Variants in MSRA observed in about 807,000 individuals in gnomAD.
MSRA encodes the protein methionine sulfoxide reductase A, also known as mitochondrial peptide methionine sulfoxide reductase.
MSRA carries 54 observed loss-of-function variants against 31.3 expected under a neutral mutation model. That is an observed-to-expected ratio of 1.73 (90% confidence interval 1.39 to 2.17). The LOEUF is 2.17. Among genes scored for constraint, MSRA ranks in the 30% most tolerant of loss-of-function variants. The pLI is 0.00. For synonymous variants in MSRA, 169 were observed against 116.5 expected (o/e 1.45, Z -2.90); for missense variants, 507 against 300.9 (o/e 1.69, Z -5.07).
At chr8:10,215,715 C>T (rs1002386700) in intron 2 of MSRA, among the ~76,000 whole-genome samples, 4 of 152,318 alleles carry the variant, frequency 2.6e-5, no homozygotes, top group Admixed American at 6.5e-5. Flanking sequence ...TTGTTTGCTT[C>T]TGTGTCAATA....
intron 1 of MSRA, among the ~76,000 whole-genome samples, chr8:10,154,433 A>G (rs1803978606): frequency 6.6e-6 from 1 of 151,418 alleles, no homozygotes; most frequent in South Asian, 2.1e-4. Context: ...GCTGGAGTGC[A>G]GTGGCACAAT....
Position 10,207,895 on chromosome 8 carries a change from G to T in MSRA, c.205G>T (p.Val69Leu), listed in dbSNP as rs772745628. ...TTTCCCAGAGGGAACACAGATGGCT[G>T]TATTTGGTAAGATATCAATTCTGAA... is the stretch of plus-strand genomic sequence containing the variant. Reference protein sequence around the residue: ...EPFPEGTQMAVFGMGCFWGAE... With the variant: ...EPFPEGTQMALFGMGCFWGAE... The change falls in exon 2 of 6, where the codon GTA becomes TTA. Residue 69 changes from valine (V) to leucine (L), a missense_variant. By Grantham distance (32) the Val-to-Leu change is conservative (BLOSUM62 1). Coordinates refer to ENST00000317173, the MANE Select transcript of MSRA (RefSeq NM_012331.5). 1.9e-6 allele frequency: 3 copies of T among 1,610,702 alleles called. No homozygotes were observed. Among genetic ancestry groups the T allele is most frequent in the African/African-American group, 2.7e-5 (2 of 74,792 alleles).
chr8:10,316,764 A>T (rs1052691106), intron 4 of MSRA, among the ~76,000 whole-genome samples: 18 of 152,228 alleles, frequency 1.2e-4, no homozygotes, highest in African/African-American at 4.3e-4. Context: ...GGTAAAGGCA[A>T]GGTGCACCAG....
intron 1 of MSRA, among the ~76,000 whole-genome samples, chr8:10,068,373 A>G (rs1485165017): frequency 6.6e-6 from 1 of 152,140 alleles, no homozygotes; most frequent in Non-Finnish European, 1.5e-5. Flanking sequence ...CCTTTCGTGT[A>G]TCTAAAAAGT....
At chr8:10,242,493 C>A (rs1797387442) in intron 2 of MSRA, among the ~76,000 whole-genome samples, 1 of 152,074 alleles carries the variant, frequency 6.6e-6, no homozygotes. Flanking sequence ...TGATTCTTGA[C>A]CCAGGTGGTG....
chr8:10,261,640 C>T (rs564477302), intron 3 of MSRA, among the ~76,000 whole-genome samples: 4 of 152,290 alleles, frequency 2.6e-5, no homozygotes, highest in African/African-American at 9.6e-5. Flanking sequence ...GCCACACATA[C>T]ATCCATTTTC....
intron 2 of MSRA, among the ~76,000 whole-genome samples, chr8:10,223,619 G>A (rs1005552248): frequency 2.0e-5 from 3 of 152,172 alleles, no homozygotes; most frequent in African/African-American, 7.2e-5. Flanking sequence ...GGGAGAGAAT[G>A]GCAGGTGGTG....
At chr8:10,384,110 C>T (rs1189072867) in intron 5 of MSRA, among the ~76,000 whole-genome samples, 2 of 152,106 alleles carry the variant, frequency 1.3e-5, no homozygotes, top group Non-Finnish European at 2.9e-5. Context: ...CAGCTATGTG[C>T]CCAGAGCTTG....
chr8:10,085,283 A>G, intron 1 of MSRA, among the ~76,000 whole-genome samples: 1 of 151,894 alleles, frequency 6.6e-6, no homozygotes, highest in East Asian at 1.9e-4. Flanking sequence ...TCTGATTTCC[A>G]CTCATCCTCA....
intron 1 of MSRA, among the ~76,000 whole-genome samples, chr8:10,098,190 C>A (rs981031471): frequency 2.0e-5 from 3 of 151,992 alleles, no homozygotes; most frequent in Admixed American, 2.0e-4. Flanking sequence ...TATTTCAAAT[C>A]TTATTTTAAA....
rs377241835 is a variant in MSRA at position 10,054,581 on chromosome 8, G to T, written c.65G>T (p.Arg22Met). The T allele has an allele frequency of 2.0e-5, 31 of 1,584,452 alleles. No homozygotes were observed. The highest frequency in any genetic ancestry group is 2.5e-5 in the Non-Finnish European group (29 of 1,165,832). ...CTCCACAGCCTCTTTCCCGTCCCGAGGATGGGCAACTCGGCCTCGAACATC... is the reference window on the plus strand; with the variant it reads ...CTCCACAGCCTCTTTCCCGTCCCGATGATGGGCAACTCGGCCTCGAACATC... The part of the protein sequence containing the change: ...LLLHSLFPVP[R>M]MGNSASNIVS... The change falls in exon 1 of 6, where the codon AGG becomes ATG. Residue 22 changes from arginine to methionine, a missense_variant. Physicochemically the swap from Arg to Met is moderately conservative, Grantham distance 91. Transcript: ENST00000317173.
At position 10,214,722 on chromosome 8, in the gene MSRA, C is replaced by A. The variant is rs146603729; in HGVS notation, c.211+6821C>A. Among the ~76,000 whole-genome samples, 63 of 152,310 alleles carry A rather than the reference C, an allele frequency of 4.1e-4. 1 individual carries two copies. Among genetic ancestry groups the A allele is most frequent in the African/African-American group, 1.3e-3 (56 of 41,564 alleles). On this transcript the variant is annotated intron_variant, in intron 2 of 5. Coordinates refer to ENST00000317173, the MANE Select transcript of MSRA (RefSeq NM_012331.5). ...GCAGGCTGCTAACTGGTGCAAACTT[C>A]TTAAATGGTAGAACACTTGGAGAGA...
At chr8:10,260,374 G>A (rs1457596206) in intron 3 of MSRA, among the ~76,000 whole-genome samples, 1 of 152,162 alleles carries the variant, frequency 6.6e-6, no homozygotes, top group Non-Finnish European at 1.5e-5. Context: ...GCCTGAGATG[G>A]ATGGAACAGG....
intron 1 of MSRA, among the ~76,000 whole-genome samples, chr8:10,186,545 A>G (rs566456255): frequency 6.6e-6 from 1 of 152,336 alleles, no homozygotes; most frequent in African/African-American, 2.4e-5. Context: ...CAGGCTGGAT[A>G]TGGGTAGCTG....
At chr8:10,069,633 T>G (rs1563394388) in intron 1 of MSRA, among the ~76,000 whole-genome samples, 3 of 152,314 alleles carry the variant, frequency 2.0e-5, no homozygotes, top group South Asian at 4.1e-4. Context: ...AAAAGTGAGC[T>G]AGCTGAATGC....
chr8:10,285,769 T>G (rs1227126805), intron 3 of MSRA, among the ~76,000 whole-genome samples: 1 of 152,196 alleles, frequency 6.6e-6, no homozygotes, highest in Non-Finnish European at 1.5e-5. Context: ...CTGGATTGTT[T>G]CAGTTCATAA....
chr8:10,392,343 T>C (rs567015682), intron 5 of MSRA, among the ~76,000 whole-genome samples: 37 of 152,294 alleles, frequency 2.4e-4, no homozygotes, highest in African/African-American at 7.7e-4. Flanking sequence ...GAAGGAGTCA[T>C]AGAGGCTGAC....
chr8:10,119,626 A>C (rs1318091339), intron 1 of MSRA, among the ~76,000 whole-genome samples: 2 of 152,238 alleles, frequency 1.3e-5, no homozygotes, highest in African/African-American at 4.8e-5. Flanking sequence ...GCTGTGACAA[A>C]AGACACAAGC....
At chr8:10,212,459 G>GA (rs1373451789) in intron 2 of MSRA, among the ~76,000 whole-genome samples, 2 of 152,094 alleles carry the variant, frequency 1.3e-5, no homozygotes, top group Non-Finnish European at 2.9e-5. Flanking sequence ...TGAACAAATG[G>GA]AAAAAATTGC....
Sources: allele counts gnomAD v4.1 joint callset (sites outside exome capture counted in the v4.1 genomes callset), GRCh38; gene constraint gnomAD v4.1.1; transcripts MANE v1.5; gene names NCBI Gene and HGNC (gene_info 2026-07-23, HGNC 2026-07-21).